The following JMJD1C variants were observed in gnomAD, a reference collection of about 807,000 sequenced individuals.
JMJD1C encodes the protein jumonji domain containing 1C.
JMJD1C carries 31 observed loss-of-function variants against 245.3 expected under a neutral mutation model. The ratio of observed to expected loss-of-function variants is 0.13; its 90% confidence interval spans 0.09 to 0.17. The LOEUF (loss-of-function observed/expected upper bound fraction) is 0.17. JMJD1C is among the 10% of genes least tolerant of loss of function. The pLI, the probability that JMJD1C is intolerant of heterozygous loss-of-function variation, is 1.00. For synonymous variants in JMJD1C, 1,057 were observed against 1,017.4 expected (o/e 1.04, Z -0.74); for missense variants, 2,691 against 3,000.2 (o/e 0.90, Z 2.41).
chr10:63,271,545 A>G (rs750580380), intron 2 of JMJD1C, among the ~76,000 whole-genome samples: 25 of 152,048 alleles, frequency 1.6e-4, no homozygotes, highest in Non-Finnish European at 1.5e-4. Flanking sequence ...CTAAAAATTC[A>G]TGCTAATTAA....
rs67008681 is a variant in JMJD1C at position 63,375,183 on chromosome 10, CTTTTT to C, written c.333+5130_333+5134del. On this transcript the variant is annotated intron_variant, in intron 2 of 25. Coordinates refer to ENST00000399262, the MANE Select transcript of JMJD1C (RefSeq NM_032776.3). ...TATGAAATCAACACATAAAAATTGG[CTTTTT>C]TTTTTTTTTTTTTTTTGAGGCAAGG... Among the ~76,000 whole-genome samples, 43 of 92,972 alleles carry C rather than the reference CTTTTT, an allele frequency of 4.6e-4. No homozygotes were observed. In the East Asian group the frequency reaches 0.013, roughly 28 times the overall value. The allele number at this position is 92,972 out of a possible 152,430, so 61.0% of individuals were successfully genotyped here. A position where few individuals can be genotyped will look rare whatever the true frequency, so the allele number is the denominator to read the frequency against.
chr10:63,402,023 A>G (rs2132593001), intron 1 of JMJD1C, among the ~76,000 whole-genome samples: 1 of 152,102 alleles, frequency 6.6e-6, no homozygotes, highest in South Asian at 2.1e-4. Context: ...AATGTCAGCT[A>G]CTCGGGAAGC....
At chr10:63,391,823 G>C (rs1358455346) in intron 1 of JMJD1C, among the ~76,000 whole-genome samples, 2 of 152,064 alleles carry the variant, frequency 1.3e-5, no homozygotes, top group Admixed American at 6.6e-5. Flanking sequence ...GTAAAAAAGA[G>C]CCTAAGGAGC....
chr10:63,215,717 A>G (rs1001116470), intron 5 of JMJD1C, 21 bp from the exon 6 acceptor site: 3 of 1,493,894 alleles, frequency 2.0e-6, no homozygotes, highest in Non-Finnish European at 2.7e-6. Context: ...ATACAAAACA[A>G]AAACAAAAAT....
chr10:63,485,377 T>G (rs1290038031), intron 1 of JMJD1C, among the ~76,000 whole-genome samples: 1 of 152,146 alleles, frequency 6.6e-6, no homozygotes, highest in Non-Finnish European at 1.5e-5. Flanking sequence ...TGCAAGCCTT[T>G]CTTACAGTCT....
At chr10:63,173,893 ATATT>A (rs1311515192) in intron 24 of JMJD1C, among the ~76,000 whole-genome samples, 1 of 152,368 alleles carries the variant, frequency 6.6e-6, no homozygotes, top group East Asian at 1.9e-4. Context: ...ATTTGAACAC[ATATT>A]TAACCAAAGT....
chr10:63,234,517 A>AAAC (rs1564654949), intron 3 of JMJD1C, among the ~76,000 whole-genome samples: 1 of 148,474 alleles, frequency 6.7e-6, no homozygotes, highest in Admixed American at 6.6e-5. Flanking sequence ...AAAAAAAAAA[A>AAAC]AAAACACCAA....
intron 10 of JMJD1C, chr10:63,202,197 T>C (rs2133096931): frequency 1.7e-6 from 1 of 586,114 alleles, no homozygotes; most frequent in South Asian, 7.6e-5. Context: ...GAAGTTGCAG[T>C]GGGGTGAGAT....
intron 2 of JMJD1C, among the ~76,000 whole-genome samples, chr10:63,353,213 A>G (rs779557483): frequency 3.3e-5 from 5 of 152,242 alleles, no homozygotes; most frequent in Non-Finnish European, 7.3e-5. Flanking sequence ...CTAGGCAGAG[A>G]GAACAGTATA....
intron 1 of JMJD1C, among the ~76,000 whole-genome samples, chr10:63,411,594 C>T (rs539024850): frequency 1.6e-4 from 22 of 141,458 alleles, no homozygotes; most frequent in African/African-American, 5.2e-4. Context: ...CCACCACACT[C>T]GGCCTGATTT....
chr10:63,301,165 A>C (rs1223509057), intron 2 of JMJD1C, among the ~76,000 whole-genome samples: 1 of 152,066 alleles, frequency 6.6e-6, no homozygotes, highest in South Asian at 2.1e-4. Context: ...ATAGGCATGT[A>C]CCATCACGCC....
chr10:63,347,040 T>C (rs940762452), intron 2 of JMJD1C, among the ~76,000 whole-genome samples: 5 of 151,618 alleles, frequency 3.3e-5, no homozygotes, highest in Non-Finnish European at 5.9e-5. Flanking sequence ...GCTTTTACTA[T>C]TCTGCAGTAT....
intron 1 of JMJD1C, among the ~76,000 whole-genome samples, chr10:63,411,626 G>A (rs377474879): frequency 2.6e-4 from 35 of 133,712 alleles, no homozygotes; most frequent in African/African-American, 8.0e-4. Context: ...TTTTTGAGGC[G>A]GAGTGTTACT....
intron 2 of JMJD1C, among the ~76,000 whole-genome samples, chr10:63,275,495 A>C (rs1305842481): frequency 2.6e-5 from 4 of 152,224 alleles, no homozygotes; most frequent in Non-Finnish European, 5.9e-5. Context: ...TCAATTCAAC[A>C]TAAAGGGTTT....
intron 1 of JMJD1C, among the ~76,000 whole-genome samples, chr10:63,426,608 T>C (rs910022999): frequency 2.6e-5 from 4 of 151,998 alleles, no homozygotes; most frequent in African/African-American, 9.7e-5. Flanking sequence ...GAGGCGGAAG[T>C]TGCAGTGAGC....
At chr10:63,288,911 AATAATAATAATAATAATG>A (rs1342985445) in intron 2 of JMJD1C, among the ~76,000 whole-genome samples, 30 of 139,640 alleles carry the variant, frequency 2.1e-4, no homozygotes, top group African/African-American at 8.0e-4. Context: ...TAATAATAAT[AATAATAATAATAATAATG>A]ATAATAATCT....
At chr10:63,185,506 G>C (rs748109864) in intron 20 of JMJD1C, 57 bp downstream of exon 20, 9 of 944,296 alleles carry the variant, frequency 9.5e-6, no homozygotes, top group Non-Finnish European at 1.6e-5. Context: ...TCCTATCTCT[G>C]GGGACAGTCT....
intron 24 of JMJD1C, among the ~76,000 whole-genome samples, chr10:63,175,137 T>C (rs1054560714): frequency 5.3e-5 from 8 of 152,192 alleles, no homozygotes; most frequent in African/African-American, 1.7e-4. Flanking sequence ...TACAAAAAGA[T>C]TTATAATACT....
upstream of JMJD1C, among the ~76,000 whole-genome samples, chr10:63,469,565 G>A (rs145993170): frequency 3.2e-3 from 492 of 152,236 alleles, 2 homozygotes; most frequent in African/African-American, 0.011. Flanking sequence ...ATCCTGCAAG[G>A]TTCTGGAGAT....
Sources: allele counts gnomAD v4.1 joint callset (sites outside exome capture counted in the v4.1 genomes callset), GRCh38; gene constraint gnomAD v4.1.1; transcripts MANE v1.5; gene names NCBI Gene and HGNC (gene_info 2026-07-23, HGNC 2026-07-21).